Variants in RANBP2 observed in about 807,000 individuals in gnomAD.
The protein encoded by RANBP2 is E3 SUMO-protein ligase RanBP2.
RANBP2 carries 57 observed loss-of-function variants against 303.6 expected under a neutral mutation model. The observed-to-expected ratio is 0.19, with a 90% CI of 0.15 to 0.23. The LOEUF (loss-of-function observed/expected upper bound fraction) is 0.23, where lower values mean the gene tolerates loss of function less well. Among genes scored for constraint, RANBP2 ranks in the 10% least tolerant of loss-of-function variants. The pLI is 1.00. For missense variants in RANBP2, 3,138 were observed against 3,780.8 expected (o/e 0.83, Z 4.46); for synonymous variants, 1,167 against 1,301.5 (o/e 0.90, Z 2.23).
chr2:108,794,846 G>C, the RANBP2 span: 1 of 723,840 alleles, frequency 1.4e-6, no homozygotes, highest in Non-Finnish European at 2.2e-6. Flanking sequence ...AGAGAAGGAC[G>C]GAAGGGGACA....
chr2:109,315,531 C>T, the RANBP2 span, among the ~76,000 whole-genome samples: 1 of 152,212 alleles, frequency 6.6e-6, no homozygotes. Context: ...AACGACCATC[C>T]GTTTTTGGTG....
the RANBP2 span, among the ~76,000 whole-genome samples, chr2:109,027,223 A>G: frequency 6.8e-6 from 1 of 147,008 alleles, no homozygotes; most frequent in Non-Finnish European, 1.5e-5. Context: ...AGCCTGGGCA[A>G]CAGAGTGAGG....
chr2:108,937,040 C>T, the RANBP2 span, among the ~76,000 whole-genome samples: 4 of 152,336 alleles, frequency 2.6e-5, no homozygotes, highest in South Asian at 6.2e-4. Flanking sequence ...GGAACAGACA[C>T]GCAGAGCACA....
chr2:109,259,198 G>A, the RANBP2 span, among the ~76,000 whole-genome samples: 3 of 152,240 alleles, frequency 2.0e-5, no homozygotes. Context: ...ATAAAGTGTA[G>A]GCTTCTCTGG....
the RANBP2 span, among the ~76,000 whole-genome samples, chr2:109,603,386 C>A: frequency 6.6e-6 from 1 of 152,000 alleles, no homozygotes; most frequent in Admixed American, 6.6e-5. Context: ...AGGCACACAC[C>A]GCCACGCCTG....
chr2:109,651,983 C>T, the RANBP2 span, among the ~76,000 whole-genome samples: 2 of 152,192 alleles, frequency 1.3e-5, no homozygotes, highest in Non-Finnish European at 2.9e-5. Context: ...CAGCTATTAC[C>T]CCTGCTGACA....
At chr2:109,370,861 T>A in the RANBP2 span, among the ~76,000 whole-genome samples, 1 of 152,264 alleles carries the variant, frequency 6.6e-6, no homozygotes. Context: ...AGAGGGTTAC[T>A]GAAAGCTTTA....
At chr2:108,936,515 C>T in the RANBP2 span, among the ~76,000 whole-genome samples, 20 of 152,134 alleles carry the variant, frequency 1.3e-4, no homozygotes, top group Admixed American at 3.3e-4. Context: ...TCTCCTTCCC[C>T]GGCCTCCCAC....
chr2:108,818,492 T>C, the RANBP2 span, among the ~76,000 whole-genome samples: 30 of 152,342 alleles, frequency 2.0e-4, no homozygotes, highest in Admixed American at 1.9e-3. Flanking sequence ...AGTTAAAATA[T>C]TGTTTTCAAC....
chr2:109,640,964 T>C, the RANBP2 span, among the ~76,000 whole-genome samples: 3 of 152,080 alleles, frequency 2.0e-5, no homozygotes, highest in Non-Finnish European at 2.9e-5. Context: ...AGGATAGAAA[T>C]GGAGGGTAGA....
the RANBP2 span, chr2:108,856,886 G>A: frequency 6.2e-7 from 1 of 1,613,036 alleles, no homozygotes; most frequent in African/African-American, 1.3e-5. Context: ...GGCTGTTCCA[G>A]TAATATTAAG....
chr2:109,486,900 G>A, the RANBP2 span, among the ~76,000 whole-genome samples: 4 of 152,202 alleles, frequency 2.6e-5, no homozygotes, highest in East Asian at 3.9e-4. Context: ...CAGAGCAAAC[G>A]AGACGTTTTG....
At chr2:108,775,395 T>C (rs1393083524) in intron 23 of RANBP2, among the ~76,000 whole-genome samples, 1 of 152,206 alleles carries the variant, frequency 6.6e-6, no homozygotes, top group Non-Finnish European at 1.5e-5. Flanking sequence ...CATTGTGCCA[T>C]TGGCAGTTCC....
chr2:109,135,849 A>T, the RANBP2 span, among the ~76,000 whole-genome samples: 37 of 152,186 alleles, frequency 2.4e-4, no homozygotes, highest in African/African-American at 8.4e-4. Flanking sequence ...GGCAGTGTTC[A>T]TGATTCTTAC....
At chr2:109,294,291 G>A in the RANBP2 span, among the ~76,000 whole-genome samples, 8 of 152,270 alleles carry the variant, frequency 5.3e-5, 1 homozygote, top group South Asian at 1.7e-3. Context: ...GCCGTGTGCG[G>A]TGGTCATGCC....
the RANBP2 span, among the ~76,000 whole-genome samples, chr2:109,083,195 C>T: frequency 6.6e-5 from 10 of 152,134 alleles, no homozygotes; most frequent in African/African-American, 1.9e-4. Flanking sequence ...GCATTAAGTA[C>T]ATTCACATTG....
chr2:109,347,502 C>T, the RANBP2 span, among the ~76,000 whole-genome samples: 2 of 152,064 alleles, frequency 1.3e-5, no homozygotes, highest in Admixed American at 6.5e-5. Context: ...TCAGAATGTG[C>T]ATGTTCCTGT....
At chr2:108,903,940 T>C in the RANBP2 span, among the ~76,000 whole-genome samples, 1 of 152,148 alleles carries the variant, frequency 6.6e-6, no homozygotes, top group Non-Finnish European at 1.5e-5. Flanking sequence ...AAGAAAACTT[T>C]ATAATTAGTT....
At chr2:109,025,416 A>G in the RANBP2 span, among the ~76,000 whole-genome samples, 6 of 152,212 alleles carry the variant, frequency 3.9e-5, no homozygotes, top group African/African-American at 1.4e-4. Flanking sequence ...TTGTGTTTAT[A>G]TATAATGGGT....
Sources: gnomAD v4.1 joint callset for allele counts (sites outside exome capture counted in the v4.1 genomes callset) on GRCh38, gnomAD v4.1.1 for gene constraint, MANE v1.5 for transcripts, NCBI Gene and HGNC (gene_info 2026-07-23, HGNC 2026-07-21) for gene names.